PCDH11Y: variants seen among roughly 807,000 people sequenced by gnomAD.
PCDH11Y encodes protocadherin 11 Y-linked, also known as protocadherin-11 Y-linked.
For synonymous variants in PCDH11Y, 9 were observed against 83.6 expected (o/e 0.11, Z 4.87); for missense variants, 12 against 224.8 (o/e 0.05, Z 6.05).
At chrY:5,632,581 A>G (rs2053513363) in intron 4 of PCDH11Y, among the ~76,000 whole-genome samples, 25 of 32,051 alleles carry the variant, frequency 7.8e-4, no homozygotes, top group African/African-American at 3.0e-3. Flanking sequence ...TATGAGGCTT[A>G]TGGAATTGAT....
At chrY:5,017,414 A>C in intron 1 of PCDH11Y, among the ~76,000 whole-genome samples, 1 of 32,844 alleles carries the variant, frequency 3.0e-5, no homozygotes, top group Non-Finnish European at 7.5e-5. Context: ...TATATAGATA[A>C]ATTTTGAAAT....
chrY:5,051,823 C>A, upstream of PCDH11Y, among the ~76,000 whole-genome samples: 1 of 33,044 alleles, frequency 3.0e-5, no homozygotes, highest in South Asian at 6.6e-4. Context: ...AATTACTGTG[C>A]CTTATTAAAT....
intron 2 of PCDH11Y, chrY:5,338,846 G>A: frequency 3.0e-6 from 1 of 328,937 alleles, no homozygotes. Context: ...AAGGGACTCC[G>A]AGAGGTTCAT....
chrY:5,384,873 T>G (rs2124674859), intron 2 of PCDH11Y, among the ~76,000 whole-genome samples: 1 of 27,989 alleles, frequency 3.6e-5, no homozygotes, highest in South Asian at 8.7e-4. Context: ...CCCTCTTCAA[T>G]TGTTTGTTAT....
intron 4 of PCDH11Y, among the ~76,000 whole-genome samples, chrY:5,715,113 A>T: frequency 5.9e-5 from 2 of 33,838 alleles, no homozygotes; most frequent in African/African-American, 2.3e-4. Flanking sequence ...CACTGACTCA[A>T]AAGATATTCA....
At chrY:5,725,093 G>A in intron 4 of PCDH11Y, among the ~76,000 whole-genome samples, 2 of 32,249 alleles carry the variant, frequency 6.2e-5, no homozygotes, top group South Asian at 1.4e-3. Context: ...TGACCAACAT[G>A]GAGAAACCTC....
chrY:5,286,408 G>T, intron 2 of PCDH11Y, among the ~76,000 whole-genome samples: 1 of 33,195 alleles, frequency 3.0e-5, no homozygotes, highest in Non-Finnish European at 7.4e-5. Flanking sequence ...TTTAAAGATA[G>T]CATCTTCTAA....
At chrY:5,010,219 A>AG (rs762270526) in intron 1 of PCDH11Y, among the ~76,000 whole-genome samples, 1,094 of 30,014 alleles carry the variant, frequency 0.036, no homozygotes, top group Middle Eastern at 0.27. Context: ...AAAAAAAAAA[A>AG]AAAAGAAAAA....
chrY:5,613,690 G>A, intron 4 of PCDH11Y, among the ~76,000 whole-genome samples: 1 of 30,373 alleles, frequency 3.3e-5, no homozygotes, highest in African/African-American at 1.3e-4. Context: ...GTGTATGTCA[G>A]CGGGGCTGTC....
At chrY:5,582,945 G>A in intron 4 of PCDH11Y, among the ~76,000 whole-genome samples, 4 of 32,658 alleles carry the variant, frequency 1.2e-4, no homozygotes, top group African/African-American at 4.7e-4. Flanking sequence ...AAGAGTTTTC[G>A]CACACTCAGA....
rs1602853746 is a variant in PCDH11Y at position 5,060,581 on chromosome Y, T to C, written c.636+3122T>C. Among the ~76,000 whole-genome samples, 21 of 29,595 alleles carry C rather than the reference T, an allele frequency of 7.1e-4. No individual in the cohort carries two copies. In the East Asian group the frequency reaches 8.0e-3, roughly 11 times the overall value. 79.4% of individuals were successfully genotyped at this position (29,595 alleles called of 37,273 possible). On this transcript the variant is annotated intron_variant, in intron 1 of 1. Coordinates refer to ENST00000215473, the Ensembl canonical transcript of PCDH11Y. ...TGAGTTTCAGAGTGATAATGTATTA[T>C]GCTTATCATCATATGACTGGTAAAT...
chrY:5,384,983 G>T, intron 2 of PCDH11Y, among the ~76,000 whole-genome samples: 1 of 30,650 alleles, frequency 3.3e-5, no homozygotes, highest in Non-Finnish European at 7.8e-5. Context: ...CTCCATTTTG[G>T]TTTGCTCTAC....
At chrY:5,612,260 A>G in intron 4 of PCDH11Y, among the ~76,000 whole-genome samples, 1 of 33,411 alleles carries the variant, frequency 3.0e-5, no homozygotes, top group Non-Finnish European at 7.4e-5. Flanking sequence ...TGAGCAAATA[A>G]TATAATTATA....
chrY:5,228,367 A>T, intron 2 of PCDH11Y, among the ~76,000 whole-genome samples: 1 of 31,121 alleles, frequency 3.2e-5, no homozygotes, highest in Non-Finnish European at 7.8e-5. Flanking sequence ...TCTAACTTTT[A>T]AAAAACCAGC....
intron 2 of PCDH11Y, among the ~76,000 whole-genome samples, chrY:5,180,840 C>G: frequency 3.0e-5 from 1 of 33,065 alleles, no homozygotes; most frequent in Non-Finnish European, 7.4e-5. Context: ...CTCTTGAAGG[C>G]AGCATACCAA....
intron 2 of PCDH11Y, among the ~76,000 whole-genome samples, chrY:5,406,693 T>C (rs2053239030): frequency 3.0e-5 from 1 of 33,701 alleles, no homozygotes; most frequent in Non-Finnish European, 7.3e-5. Flanking sequence ...TAAATACTTA[T>C]GCAAGCTTTT....
chrY:5,595,923 ATG>A (rs2053466991), intron 4 of PCDH11Y, among the ~76,000 whole-genome samples: 6 of 29,787 alleles, frequency 2.0e-4, no homozygotes, highest in Non-Finnish European at 3.2e-4. Context: ...TTACTCACAC[ATG>A]TCTCATTAAA....
intron 2 of PCDH11Y, among the ~76,000 whole-genome samples, chrY:5,115,368 C>G: frequency 3.3e-5 from 1 of 30,061 alleles, no homozygotes; most frequent in African/African-American, 1.4e-4. Flanking sequence ...AATCACAAAT[C>G]TATATTGACG....
chrY:5,613,673 A>G, intron 4 of PCDH11Y, among the ~76,000 whole-genome samples: 1 of 29,832 alleles, frequency 3.4e-5, no homozygotes, highest in African/African-American at 1.3e-4. Context: ...ATTCTATGAA[A>G]AATGAAGTGT....
Sources: allele counts gnomAD v4.1 joint callset (sites outside exome capture counted in the v4.1 genomes callset), GRCh38; gene constraint gnomAD v4.1.1; transcripts MANE v1.5; gene names NCBI Gene and HGNC (gene_info 2026-07-23, HGNC 2026-07-21).